Variants in PJA2 observed in about 807,000 individuals in gnomAD.
PJA2 encodes the protein praja ring finger ubiquitin ligase 2, also known as E3 ubiquitin-protein ligase Praja-2.
Under a neutral mutation model 69.3 loss-of-function variants are expected in PJA2, and 25 were observed. The observed-to-expected ratio is 0.36, with a 90% CI of 0.26 to 0.50. PJA2 has a LOEUF of 0.50. Ranked by LOEUF, PJA2 falls within the 20% of genes least tolerant of loss-of-function variation. The pLI is 0.96. For missense variants in PJA2, 809 were observed against 830.2 expected, an observed-to-expected ratio of 0.97 and a Z score of 0.31; for synonymous variants, 308 against 277.8, an observed-to-expected ratio of 1.11 and a Z score of -1.08.
Position 109,362,829 on chromosome 5 carries a change from G to C in PJA2, c.1652+11C>G, listed in dbSNP as rs759118047. 1 of 1,564,810 alleles carries C rather than the reference G, an allele frequency of 6.4e-7. No individual in the cohort carries two copies. On this transcript the variant is annotated intron_variant, in intron 6 of 9. Transcript: ENST00000361189. The stretch of plus-strand genomic sequence containing the variant: ...CCTAATTAAGCATCCTAATAAAATC[G>C]TGCTACATACCTCCAATCCACATCT...
chr5:109,362,393 A>G (rs1762518833), intron 6 of PJA2, among the ~76,000 whole-genome samples: 1 of 118,390 alleles, frequency 8.4e-6, no homozygotes, highest in South Asian at 2.8e-4. Context: ...GGAAAGTAAA[A>G]TTTTATCTTC....
rs1256196648 is a variant in PJA2, at chr5:109,358,310, T to C, written c.1653-2284A>G. 3.3e-5 allele frequency among the ~76,000 whole-genome samples: 5 copies of C among 152,212 alleles called. No individual in the cohort carries two copies. In the East Asian group the frequency reaches 9.6e-4, roughly 29 times the overall value. On this transcript the variant is annotated intron_variant, in intron 6 of 9. Coordinates refer to ENST00000361189, the MANE Select transcript of PJA2 (RefSeq NM_014819.5). ...TCTGCTGCAGATAACTGGCCCAACCTATCCCTTTATTTTGGCCCATCCCTT... is the reference window on the plus strand; with the variant it reads ...TCTGCTGCAGATAACTGGCCCAACCCATCCCTTTATTTTGGCCCATCCCTT...
At chr5:109,355,086 T>C (rs1273864422) in intron 7 of PJA2, among the ~76,000 whole-genome samples, 2 of 152,128 alleles carry the variant, frequency 1.3e-5, no homozygotes, top group Non-Finnish European at 2.9e-5. Context: ...ACTGCACCAC[T>C]GCACTCCAGC....
chr5:109,403,385 C>G (rs1024497772), intron 1 of PJA2, among the ~76,000 whole-genome samples: 1 of 151,936 alleles, frequency 6.6e-6, no homozygotes, highest in African/African-American at 2.4e-5. Flanking sequence ...TCCTTTGAAG[C>G]CTTCCAGCAA....
chr5:109,372,597 G>A (rs994485839), intron 4 of PJA2, among the ~76,000 whole-genome samples: 2 of 152,060 alleles, frequency 1.3e-5, no homozygotes, highest in African/African-American at 2.4e-5. Context: ...GAAATCAGGA[G>A]GTCACCACTG....
chr5:109,389,740 A>G (rs1278143492), intron 1 of PJA2, among the ~76,000 whole-genome samples: 1 of 152,026 alleles, frequency 6.6e-6, no homozygotes, highest in Non-Finnish European at 1.5e-5. Flanking sequence ...TCTAAAGCAT[A>G]AAGTTACCTC....
At chr5:109,358,915 G>GA (rs1399710098) in intron 6 of PJA2, among the ~76,000 whole-genome samples, 1 of 152,182 alleles carries the variant, frequency 6.6e-6, no homozygotes, top group Non-Finnish European at 1.5e-5. Context: ...AGTTTAAAAA[G>GA]AAACAGGTTA....
At chr5:109,338,740 G>A (rs1333067413) in intron 9 of PJA2, among the ~76,000 whole-genome samples, 1 of 151,692 alleles carries the variant, frequency 6.6e-6, no homozygotes, top group African/African-American at 2.4e-5. Flanking sequence ...TCAAATAGAT[G>A]AGTGTGGTCT....
chr5:109,397,978 A>T (rs1371143593), intron 1 of PJA2, among the ~76,000 whole-genome samples: 4 of 152,222 alleles, frequency 2.6e-5, no homozygotes, highest in Non-Finnish European at 2.9e-5. Flanking sequence ...AACCCCATCA[A>T]AAAGTGGGTG....
chr5:109,392,632 A>G (rs989027665), intron 1 of PJA2, among the ~76,000 whole-genome samples: 1 of 151,936 alleles, frequency 6.6e-6, no homozygotes, highest in Non-Finnish European at 1.5e-5. Context: ...GTTCAAGCCT[A>G]TATTAATTTT....
At chr5:109,393,737 ACAGAATATATTTGTAGG>A (rs1355946533) in intron 1 of PJA2, among the ~76,000 whole-genome samples, 1 of 151,918 alleles carries the variant, frequency 6.6e-6, no homozygotes, top group Non-Finnish European at 1.5e-5. Context: ...GGTGAATATA[ACAGAATATATTTGTAGG>A]CAGAATACTA....
At chr5:109,383,842 G>C (rs115220609) in intron 1 of PJA2, among the ~76,000 whole-genome samples, 7,647 of 152,192 alleles carry the variant, frequency 0.05, 211 homozygotes, top group African/African-American at 0.073. Context: ...TGGGAGGATT[G>C]CTTGAGCCCA....
chr5:109,346,140 C>T (rs1033897375), intron 7 of PJA2, among the ~76,000 whole-genome samples: 7 of 152,184 alleles, frequency 4.6e-5, no homozygotes, highest in African/African-American at 1.7e-4. Flanking sequence ...TGAACTGCTA[C>T]TGTATTCAAA....
chr5:109,355,253 C>T (rs1762395137), intron 7 of PJA2, among the ~76,000 whole-genome samples: 1 of 152,192 alleles, frequency 6.6e-6, no homozygotes, highest in East Asian at 1.9e-4. Flanking sequence ...CCAGTCATTT[C>T]TGTACCTATA....
At chr5:109,378,173 C>T (rs573379987) in intron 4 of PJA2, 31 bp downstream of exon 4, 1 of 1,509,210 alleles carries the variant, frequency 6.6e-7, no homozygotes, top group East Asian at 2.2e-5. Flanking sequence ...ATTTACTACA[C>T]AATCGGAAAA....
intron 5 of PJA2, among the ~76,000 whole-genome samples, chr5:109,367,402 A>C (rs556050566): frequency 1.3e-4 from 20 of 151,836 alleles, no homozygotes; most frequent in African/African-American, 2.9e-4. Flanking sequence ...CTAAAAAAAA[A>C]CATAATTTAC....
intron 1 of PJA2, among the ~76,000 whole-genome samples, chr5:109,393,337 G>A (rs1449368600): frequency 6.6e-6 from 1 of 152,172 alleles, no homozygotes; most frequent in Non-Finnish European, 1.5e-5. Context: ...ATGTTGGTGT[G>A]GATGTTAAGC....
At chr5:109,379,323 C>A in intron 3 of PJA2, 69 bp from the exon 4 acceptor site, 1 of 1,115,608 alleles carries the variant, frequency 9.0e-7, no homozygotes, top group South Asian at 1.6e-5. Flanking sequence ...TAATAACTAT[C>A]ACTTAAGTGG....
At chr5:109,408,530 C>T (rs1343759809) in intron 1 of PJA2, among the ~76,000 whole-genome samples, 2 of 151,602 alleles carry the variant, frequency 1.3e-5, no homozygotes, top group Non-Finnish European at 2.9e-5. Context: ...TATGGTATAG[C>T]CTCCCTCAAA....
Sources: allele counts gnomAD v4.1 joint callset (sites outside exome capture counted in the v4.1 genomes callset), GRCh38; gene constraint gnomAD v4.1.1; transcripts MANE v1.5; gene names NCBI Gene and HGNC (gene_info 2026-07-23, HGNC 2026-07-21).